DOCK2: variants seen among roughly 807,000 people sequenced by gnomAD.
DOCK2 encodes the protein dedicator of cytokinesis protein 2.
Under a neutral mutation model 248.9 loss-of-function variants are expected in DOCK2, and 87 were observed. The observed-to-expected ratio is 0.35, with a 90% CI of 0.29 to 0.42. The LOEUF (loss-of-function observed/expected upper bound fraction) is 0.42. DOCK2 is among the 10% of genes least tolerant of loss of function. The probability of loss-of-function intolerance (pLI) is 1.00; values close to 1 mark genes in which losing one functional copy is unlikely to be tolerated. For synonymous variants in DOCK2, 805 were observed against 821.6 expected (o/e 0.98, Z 0.35); for missense variants, 1,747 against 2,300.2 (o/e 0.76, Z 4.92).
chr5:169,920,915 C>A (rs1775139078), intron 27 of DOCK2, among the ~76,000 whole-genome samples: 1 of 152,126 alleles, frequency 6.6e-6, no homozygotes, highest in Non-Finnish European at 1.5e-5. Context: ...ATCAGCAGCT[C>A]TTATTGTCAA....
In DOCK2 at chr5:169,832,932, T is replaced by C. The variant is rs188692267; in HGVS notation, c.2704-7825T>C. Among the ~76,000 whole-genome samples, 20 of 152,238 alleles carry C rather than the reference T, an allele frequency of 1.3e-4. No homozygotes were observed. The East Asian group carries it at 3.3e-3, about 25-fold the overall frequency. ...TCTTCATCTTAGCACTGAAAAGGCC[T>C]AAAGACAAAGCAGGCAGAGGAGGTG... On this transcript the variant is annotated intron_variant, in intron 26 of 51. Coordinates refer to ENST00000520908, the MANE Select transcript of DOCK2 (RefSeq NM_004946.3).
chr5:169,713,932 T>G, intron 17 of DOCK2, 96 bp from the exon 18 acceptor site: 1 of 1,373,664 alleles, frequency 7.3e-7, no homozygotes, highest in Non-Finnish European at 9.7e-7. Flanking sequence ...TTTATGACTC[T>G]CCCCACTTCA....
At chr5:169,754,585 T>C (rs993742545) in intron 23 of DOCK2, among the ~76,000 whole-genome samples, 1 of 152,162 alleles carries the variant, frequency 6.6e-6, no homozygotes, top group Non-Finnish European at 1.5e-5. Context: ...TGGGGGAAGC[T>C]CTTTTTCCAC....
chr5:169,761,725 A>C (rs924396971), intron 25 of DOCK2, 100 bp downstream of exon 25: 9 of 859,542 alleles, frequency 1.0e-5, no homozygotes, highest in Admixed American at 6.9e-5. Flanking sequence ...TCCAGTGACT[A>C]TAACATCTCT....
At chr5:169,776,174 A>AATAT (rs10657686) in intron 25 of DOCK2, among the ~76,000 whole-genome samples, 2,172 of 146,008 alleles carry the variant, frequency 0.015, 28 homozygotes, top group Middle Eastern at 0.039. Context: ...TATTTATATA[A>AATAT]ATATATATAT....
intron 27 of DOCK2, among the ~76,000 whole-genome samples, chr5:169,982,391 C>T (rs1187109348): frequency 6.6e-6 from 1 of 152,194 alleles, no homozygotes; most frequent in Non-Finnish European, 1.5e-5. Context: ...GTGGTTCCTC[C>T]TCTGCTCAGA....
chr5:169,703,260 A>G (rs560078635), intron 14 of DOCK2, among the ~76,000 whole-genome samples: 2 of 152,192 alleles, frequency 1.3e-5, no homozygotes, highest in Non-Finnish European at 2.9e-5. Flanking sequence ...AAGATGGAAG[A>G]GGCATCATTT....
chr5:169,740,094 G>A (rs1323868203), intron 22 of DOCK2, among the ~76,000 whole-genome samples: 2 of 152,230 alleles, frequency 1.3e-5, no homozygotes, highest in African/African-American at 4.8e-5. Context: ...AAAGTGTGCA[G>A]CTCCTCTGAA....
At chr5:169,858,328 T>C (rs991840153) in intron 27 of DOCK2, among the ~76,000 whole-genome samples, 1 of 152,146 alleles carries the variant, frequency 6.6e-6, no homozygotes, top group African/African-American at 2.4e-5. Context: ...GTATTTGGCA[T>C]GGTCTGGGCT....
At chr5:169,976,997 C>T (rs1040034762) in intron 27 of DOCK2, among the ~76,000 whole-genome samples, 2 of 152,220 alleles carry the variant, frequency 1.3e-5, no homozygotes. Flanking sequence ...TATTGCACAG[C>T]AGGATGTCCT....
chr5:170,082,928 GA>G lies in DOCK2; in HGVS notation c.*72del. On this transcript the variant is annotated 3_prime_UTR_variant, in exon 52 of 52. Coordinates refer to ENST00000520908, the MANE Select transcript of DOCK2 (RefSeq NM_004946.3). The stretch of plus-strand genomic sequence containing the variant: ...TTCTGGAAGAGGAAAGCCATGCGTG[GA>G]ACATCGAAGCCTCAGAGAGTGGGAG... 1 of 1,595,652 alleles carries G rather than the reference GA, an allele frequency of 6.3e-7. No individual in the cohort carries two copies. Among genetic ancestry groups the G allele is most frequent in the Non-Finnish European group, 8.6e-7 (1 of 1,164,834 alleles).
At chr5:169,899,012 C>T (rs544059092) in intron 27 of DOCK2, among the ~76,000 whole-genome samples, 3 of 152,172 alleles carry the variant, frequency 2.0e-5, no homozygotes, top group Non-Finnish European at 4.4e-5. Context: ...GGTTTCAAAC[C>T]TGGCTGGTGA....
intron 25 of DOCK2, among the ~76,000 whole-genome samples, chr5:169,774,616 G>T (rs758252738): frequency 1.1e-4 from 16 of 152,184 alleles, no homozygotes; most frequent in Admixed American, 9.8e-4. Flanking sequence ...TTTACCCAAA[G>T]ATCTCTTTAA....
At chr5:169,655,937 G>A (rs914991757) in intron 2 of DOCK2, among the ~76,000 whole-genome samples, 11 of 152,092 alleles carry the variant, frequency 7.2e-5, no homozygotes, top group African/African-American at 2.4e-4. Flanking sequence ...AGGGGATACC[G>A]TACACTTTTC....
Position 170,050,357 on chromosome 5 carries a change from C to T in DOCK2, c.4173C>T (p.Thr1391=). ...QFPNAEKMNT[T]SAPGDDVKNA... is the part of the protein sequence containing the mutation. The stretch of plus-strand genomic sequence containing the variant: ...CCAATGCAGAGAAGATGAACACCAC[C>T]TCTGCCCCGGGAGATGATGTGAAGA... The change falls in exon 41 of 52, where the codon ACC becomes ACT. Residue 1391 remains threonine, a synonymous_variant. Coordinates refer to ENST00000520908, the MANE Select transcript of DOCK2 (RefSeq NM_004946.3). 1.2e-6 allele frequency: 2 copies of T among 1,614,174 alleles called. No individual in the cohort carries two copies. The highest frequency in any genetic ancestry group is 2.2e-5 in the East Asian group (1 of 44,884).
At chr5:169,997,614 C>A (rs1754693847) in intron 30 of DOCK2, among the ~76,000 whole-genome samples, 1 of 148,260 alleles carries the variant, frequency 6.7e-6, no homozygotes, top group Non-Finnish European at 1.5e-5. Flanking sequence ...AGCATGCTGC[C>A]TTCAAGCATC....
At chr5:169,671,285 T>C (rs1759041086) in intron 5 of DOCK2, 111 bp downstream of exon 5, 2 of 886,702 alleles carry the variant, frequency 2.3e-6, no homozygotes, top group Non-Finnish European at 3.6e-6. Flanking sequence ...TTTGGTGACA[T>C]AGCAGAGCGC....
At position 170,079,142 on chromosome 5, in the gene DOCK2, A is replaced by C; in HGVS notation, c.5162A>C (p.Lys1721Thr). 2 of 1,613,278 alleles carry C rather than the reference A, an allele frequency of 1.2e-6. No individual in the cohort carries two copies. The highest frequency in any genetic ancestry group is 1.7e-6 in the Non-Finnish European group (2 of 1,179,928). The stretch of plus-strand genomic sequence containing the variant: ...AAAGCAGCTGCAGAGTCGGACCTGA[A>C]GCGGGTGAGTGGCTGAGGCAGATTG... Reference protein sequence around the residue: ...DEKAAAESDLKRLSRKHEFMS... With the variant: ...DEKAAAESDLTRLSRKHEFMS... Residue 1721 changes from lysine (K) to threonine (T), a missense_variant, in exon 49 of 52, where the codon AAG (lysine) becomes ACG (threonine). This residue lies in a region of DOCK2 where 513 missense variants were observed against 586.1 expected (regional missense o/e 0.88). Transcript: ENST00000520908.
At chr5:169,817,670 C>A (rs1768151579) in intron 26 of DOCK2, among the ~76,000 whole-genome samples, 1 of 152,192 alleles carries the variant, frequency 6.6e-6, no homozygotes, top group South Asian at 2.1e-4. Flanking sequence ...AGACATGTGT[C>A]CACCCCTGTC....
Sources: gnomAD v4.1 joint callset for allele counts (sites outside exome capture counted in the v4.1 genomes callset) on GRCh38, gnomAD v4.1.1 for gene constraint, gnomAD v4.1.1 regional missense constraint, MANE v1.5 for transcripts, NCBI Gene and HGNC (gene_info 2026-07-23, HGNC 2026-07-21) for gene names.